CCDC3: variants seen among roughly 807,000 people sequenced by gnomAD.
CCDC3 encodes the protein coiled-coil domain containing 3, also known as coiled-coil domain-containing protein 3.
A neutral mutation model predicts 21.4 loss-of-function variants in CCDC3; 24 were observed. The ratio of observed to expected loss-of-function variants is 1.12; its 90% CI spans 0.81 to 1.58. The LOEUF is 1.58. Among genes scored for constraint, CCDC3 ranks in the 40% most tolerant of loss-of-function variants. CCDC3 has a pLI of 0.00. For synonymous variants in CCDC3, 186 were observed against 166.0 expected, an observed-to-expected ratio of 1.12 and a Z score of -0.93; for missense variants, 425 against 360.9, an observed-to-expected ratio of 1.18 and a Z score of -1.44.
intron 5 of CCDC3, among the ~76,000 whole-genome samples, chr10:13,039,145 C>T (rs574979328): frequency 8.1e-4 from 124 of 152,226 alleles, no homozygotes; most frequent in African/African-American, 2.9e-3. Context: ...AAAAGTACTT[C>T]GAGCTCACAC....
chr10:12,933,454 CTTTA>C (rs894524784), intron 2 of CCDC3, among the ~76,000 whole-genome samples: 5 of 115,830 alleles, frequency 4.3e-5, no homozygotes, highest in African/African-American at 1.3e-4. Context: ...ATAATATTCC[CTTTA>C]TTTTTTTTTT....
At chr10:13,040,693 A>T (rs1347571273) in intron 5 of CCDC3, among the ~76,000 whole-genome samples, 14 of 143,194 alleles carry the variant, frequency 9.8e-5, no homozygotes, top group African/African-American at 1.6e-4. Context: ...TCTGTCACAC[A>T]CACACACACA....
At chr10:12,900,636 A>G (rs1457612137) in intron 2 of CCDC3, among the ~76,000 whole-genome samples, 2 of 142,782 alleles carry the variant, frequency 1.4e-5, no homozygotes, top group Admixed American at 7.2e-5. Flanking sequence ...GCTTGCAGTG[A>G]GCCGAGATCG....
chr10:12,984,703 T>C (rs1368060328), intron 2 of CCDC3, among the ~76,000 whole-genome samples: 1 of 152,202 alleles, frequency 6.6e-6, no homozygotes, highest in Non-Finnish European at 1.5e-5. Flanking sequence ...CCATGAAATA[T>C]TATTCAGCCA....
chr10:13,038,302 A>G (rs1014434296), intron 5 of CCDC3, among the ~76,000 whole-genome samples: 3 of 149,380 alleles, frequency 2.0e-5, no homozygotes, highest in Admixed American at 6.8e-5. Context: ...GCAGCAAACC[A>G]CGGTGACACA....
intron 5 of CCDC3, among the ~76,000 whole-genome samples, chr10:13,034,481 T>TA (rs1402304382): frequency 1.4e-5 from 2 of 147,502 alleles, no homozygotes; most frequent in Admixed American, 6.9e-5. Flanking sequence ...CCCTAGAACT[T>TA]AAAGTATAAT....
At chr10:13,072,453 A>G (rs1043054618) in intron 4 of CCDC3, among the ~76,000 whole-genome samples, 3 of 152,196 alleles carry the variant, frequency 2.0e-5, no homozygotes, top group African/African-American at 7.2e-5. Context: ...TCCCCAGAGA[A>G]TCTCCGACCC....
intron 4 of CCDC3, chr10:13,058,148 G>C: frequency 2.2e-6 from 2 of 896,132 alleles, no homozygotes; most frequent in African/African-American, 1.6e-5. Flanking sequence ...GAATCATTTG[G>C]TATTGCGAGG....
At chr10:13,061,965 T>C (rs1373298662) in intron 4 of CCDC3, among the ~76,000 whole-genome samples, 3 of 148,244 alleles carry the variant, frequency 2.0e-5, no homozygotes, top group South Asian at 2.2e-4. Flanking sequence ...GATGTAAATT[T>C]CCCCCCCACC....
At chr10:13,057,957 T>C in intron 4 of CCDC3, 1 of 615,916 alleles carries the variant, frequency 1.6e-6, no homozygotes, top group Non-Finnish European at 2.9e-6. Flanking sequence ...TGAGCTTTCT[T>C]GTGTATCTCC....
At chr10:12,913,213 A>G (rs752526031) in intron 2 of CCDC3, among the ~76,000 whole-genome samples, 19 of 152,204 alleles carry the variant, frequency 1.2e-4, no homozygotes, top group Non-Finnish European at 2.6e-4. Flanking sequence ...CTTCTAATCT[A>G]TGAGCACAGG....
At chr10:13,055,209 A>C (rs1478668941) in intron 4 of CCDC3, among the ~76,000 whole-genome samples, 1 of 152,220 alleles carries the variant, frequency 6.6e-6, no homozygotes, top group East Asian at 1.9e-4. Flanking sequence ...GCAAGGCAAC[A>C]GGATTTCAAG....
chr10:13,094,159 G>A (rs1588423738), intron 3 of CCDC3, among the ~76,000 whole-genome samples: 1 of 152,112 alleles, frequency 6.6e-6, no homozygotes, highest in South Asian at 2.1e-4. Context: ...TTAATAAGCA[G>A]CATTCTTATC....
At position 13,018,093 on chromosome 10, in the gene CCDC3, G is replaced by GA. The variant is rs34776135; in HGVS notation, c.-1-19582dup. Among the ~76,000 whole-genome samples, 621 of 149,822 alleles carry GA rather than the reference G, an allele frequency of 4.1e-3. 8 individuals carry two copies. Among genetic ancestry groups the GA allele is most frequent in the African/African-American group, 5.7e-3 (230 of 40,628 alleles). On this transcript the variant is annotated intron_variant, in intron 5 of 6. Coordinates refer to the CCDC3 transcript ENST00000378839. ...CCCATCTATGTCCTTGGAATGAAAT[G>GA]AAAAAAAAAAATAATAATAAGCCAA...
At chr10:12,984,999 T>C (rs1469966590) in intron 2 of CCDC3, among the ~76,000 whole-genome samples, 1 of 152,210 alleles carries the variant, frequency 6.6e-6, no homozygotes, top group Non-Finnish European at 1.5e-5. Flanking sequence ...CACATATATG[T>C]GGATATACTG....
At chr10:12,934,237 G>A (rs1280692760) in intron 2 of CCDC3, among the ~76,000 whole-genome samples, 2 of 152,112 alleles carry the variant, frequency 1.3e-5, no homozygotes, top group Non-Finnish European at 2.9e-5. Context: ...CAAGTATCTG[G>A]GACTTTTCAG....
chr10:13,013,915 C>A (rs1836015717), intron 5 of CCDC3, among the ~76,000 whole-genome samples: 1 of 152,154 alleles, frequency 6.6e-6, no homozygotes, highest in South Asian at 2.1e-4. Context: ...CTTTGGGAGG[C>A]CGAGGCAGGG....
chr10:12,985,667 G>T (rs187692113), intron 2 of CCDC3, among the ~76,000 whole-genome samples: 4 of 152,246 alleles, frequency 2.6e-5, no homozygotes, highest in African/African-American at 9.6e-5. Context: ...ATCTCCAAAG[G>T]CACATATAGT....
At chr10:13,026,395 G>T (rs1278284071) in intron 5 of CCDC3, among the ~76,000 whole-genome samples, 1 of 152,024 alleles carries the variant, frequency 6.6e-6, no homozygotes, top group African/African-American at 2.4e-5. Context: ...ATTCTAAAAG[G>T]CCTATAGTCT....
Sources: allele counts gnomAD v4.1 joint callset (sites outside exome capture counted in the v4.1 genomes callset), GRCh38; gene constraint gnomAD v4.1.1; transcripts MANE v1.5; gene names NCBI Gene and HGNC (gene_info 2026-07-23, HGNC 2026-07-21).